ABCA10: variants seen among roughly 807,000 people sequenced by gnomAD.
ABCA10 encodes the protein ATP-binding cassette sub-family A member 10.
Under a neutral mutation model 187.5 loss-of-function variants are expected in ABCA10, and 169 were observed. That is an observed-to-expected ratio of 0.90 (90% CI 0.80 to 1.02). The LOEUF (loss-of-function observed/expected upper bound fraction) is 1.02, where lower values mean the gene tolerates loss of function less well. Ranked by LOEUF, ABCA10 falls within the 50% of genes least tolerant of loss-of-function variation. The pLI, the probability that ABCA10 is intolerant of heterozygous loss-of-function variation, is 0.00. For missense variants in ABCA10, 1,727 were observed against 1,812.4 expected, an observed-to-expected ratio of 0.95 and a Z score of 0.86; for synonymous variants, 574 against 601.8, an observed-to-expected ratio of 0.95 and a Z score of 0.68.
intron 12 of ABCA10, 85 bp downstream of exon 12, chr17:69,194,300 A>T: frequency 8.6e-7 from 1 of 1,163,162 alleles, no homozygotes. Context: ...TAACAAGTCC[A>T]ATTTAGAGAA....
At chr17:69,171,925 T>C (rs1295997845) in intron 25 of ABCA10, among the ~76,000 whole-genome samples, 1 of 139,162 alleles carries the variant, frequency 7.2e-6, no homozygotes, top group Non-Finnish European at 1.5e-5. Flanking sequence ...ATGATGCATT[T>C]TGGGAAGCCA....
intron 27 of ABCA10, among the ~76,000 whole-genome samples, chr17:69,161,958 T>C (rs893191363): frequency 3.9e-5 from 6 of 152,192 alleles, no homozygotes; most frequent in Non-Finnish European, 7.4e-5. Flanking sequence ...CAGCAGACCA[T>C]CCACATCAAT....
chr17:69,168,488 G>A (rs1311188525), intron 25 of ABCA10, among the ~76,000 whole-genome samples: 1 of 152,130 alleles, frequency 6.6e-6, no homozygotes, highest in Non-Finnish European at 1.5e-5. Context: ...ATTGGGAAGG[G>A]CAAACAATAA....
At chr17:69,179,695 G>A (rs1484761864) in intron 22 of ABCA10, among the ~76,000 whole-genome samples, 2 of 152,258 alleles carry the variant, frequency 1.3e-5, no homozygotes, top group South Asian at 2.1e-4. Context: ...TTCTGCATGA[G>A]CAGAATTTCT....
chr17:69,185,542 T>C lies in ABCA10; in HGVS notation c.2432A>G (p.Tyr811Cys). The change falls in exon 20 of 39, where the codon TAT (tyrosine) becomes TGT (cysteine). Residue 811 changes from tyrosine to cysteine, a missense_variant. By Grantham distance (194) the Tyr-to-Cys change is radical. Transcript: ENST00000690296. ...THCWEFSPSM[Y>C]FLSLEQIPKT... is the part of the protein sequence containing the mutation. The stretch of plus-strand genomic sequence containing the variant: ...CGGGATTTGTTCCAGAGAAAGGAAA[T>C]ACATACTGGGTGAAAACTCCCAACA... 1 of 1,613,560 alleles carries C rather than the reference T, an allele frequency of 6.2e-7. No homozygotes were observed. Among genetic ancestry groups the C allele is most frequent in the Non-Finnish European group, 8.5e-7 (1 of 1,179,698 alleles).
chr17:69,200,229 AC>A (rs2074533844), intron 10 of ABCA10, among the ~76,000 whole-genome samples: 1 of 152,218 alleles, frequency 6.6e-6, no homozygotes, highest in Non-Finnish European at 1.5e-5. Context: ...TAAAAGCTTT[AC>A]ATGTGATAGC....
At chr17:69,219,201 C>A (rs1455410581) in intron 6 of ABCA10, among the ~76,000 whole-genome samples, 4 of 152,108 alleles carry the variant, frequency 2.6e-5, no homozygotes, top group Non-Finnish European at 4.4e-5. Context: ...TACCTTGAAT[C>A]CAAGCCTGGC....
chr17:69,220,374 T>C (rs1207477892), intron 5 of ABCA10, among the ~76,000 whole-genome samples: 5 of 152,184 alleles, frequency 3.3e-5, no homozygotes, highest in Non-Finnish European at 5.9e-5. Context: ...AGACTGTAGA[T>C]AAGGCTGAAG....
chr17:69,194,226 A>C (rs2074482481), intron 12 of ABCA10, among the ~76,000 whole-genome samples, 159 bp downstream of exon 12: 1 of 152,226 alleles, frequency 6.6e-6, no homozygotes, highest in South Asian at 2.1e-4. Flanking sequence ...TAGAGATACA[A>C]ATGTTTTCAT....
chr17:69,241,415 TA>T (rs2074902811), intron 1 of ABCA10, among the ~76,000 whole-genome samples: 1 of 152,228 alleles, frequency 6.6e-6, no homozygotes, highest in South Asian at 2.1e-4. Context: ...ACACAGCAGC[TA>T]AACTGTTCCT....
chr17:69,150,970 G>C (rs1323456638), intron 36 of ABCA10, among the ~76,000 whole-genome samples: 1 of 152,036 alleles, frequency 6.6e-6, no homozygotes, highest in Non-Finnish European at 1.5e-5. Flanking sequence ...AGAGCTCCTG[G>C]GGTTCATCCG....
intron 18 of ABCA10, among the ~76,000 whole-genome samples, chr17:69,188,415 A>C (rs1326176422): frequency 6.6e-6 from 1 of 151,730 alleles, no homozygotes; most frequent in Non-Finnish European, 1.5e-5. Flanking sequence ...CAGTTTTCTC[A>C]TGGGCAGCTT....
chr17:69,192,312 A>C (rs796112827), intron 16 of ABCA10, among the ~76,000 whole-genome samples: 12 of 150,624 alleles, frequency 8.0e-5, no homozygotes, highest in Admixed American at 7.3e-4. Flanking sequence ...TGTCTTCAAA[A>C]AAACAAACAA....
intron 27 of ABCA10, 151 bp from the exon 28 acceptor site, chr17:69,157,074 T>C: frequency 2.1e-6 from 1 of 478,822 alleles, no homozygotes; most frequent in East Asian, 3.9e-5. Context: ...ACTTGTAAAA[T>C]ACTTCTCATG....
rs116740775 is a variant in ABCA10 at position 69,219,445 on chromosome 17, C to T, written c.530+100G>A. 2.9e-3 allele frequency: 2,197 copies of T among 766,216 alleles called. 26 individuals are homozygous for T. In the African/African-American group the frequency reaches 0.031, roughly 11 times the overall value. The allele number at this position is 766,216 out of a possible 1,614,324, so 47.5% of individuals were successfully genotyped here. A position where few individuals can be genotyped will look rare whatever the true frequency, so the allele number is the denominator to read the frequency against. On this transcript the variant is annotated intron_variant, in intron 6 of 38. Transcript: ENST00000690296. ...GCAAGTAAGGTGATTAAATTGAATA[C>T]GTGCAAGAAAACTTGTGAGTGCGTC...
intron 22 of ABCA10, among the ~76,000 whole-genome samples, chr17:69,178,717 A>G (rs915059059): frequency 1.3e-5 from 2 of 152,214 alleles, no homozygotes; most frequent in African/African-American, 4.8e-5. Context: ...ACTAATCCCT[A>G]TTCTTACTAT....
At chr17:69,220,763 A>T (rs2144846280) in intron 5 of ABCA10, among the ~76,000 whole-genome samples, 1 of 152,324 alleles carries the variant, frequency 6.6e-6, no homozygotes, top group Non-Finnish European at 1.5e-5. Context: ...AGAGGTCAGC[A>T]AACTTTAGTT....
At chr17:69,220,644 C>T (rs549413504) in intron 5 of ABCA10, among the ~76,000 whole-genome samples, 12 of 152,224 alleles carry the variant, frequency 7.9e-5, no homozygotes, top group East Asian at 3.9e-4. Context: ...TTCATTTTTG[C>T]GCATACTAAG....
At chr17:69,216,088 T>G in intron 7 of ABCA10, 88 bp from the exon 8 acceptor site, 3 of 1,555,306 alleles carry the variant, frequency 1.9e-6, no homozygotes, top group Admixed American at 2.1e-5. Flanking sequence ...TTGTCAAAAA[T>G]TTTCTCAAAA....
Sources: allele counts gnomAD v4.1 joint callset (sites outside exome capture counted in the v4.1 genomes callset), GRCh38; gene constraint gnomAD v4.1.1; transcripts MANE v1.5; gene names NCBI Gene and HGNC (gene_info 2026-07-23, HGNC 2026-07-21).